ATF1: variants seen among roughly 807,000 people sequenced by gnomAD.
The protein encoded by ATF1 is activating transcription factor 1.
A neutral mutation model predicts 34.7 loss-of-function variants in ATF1; 16 were observed. That is an observed-to-expected ratio of 0.46 (90% confidence interval 0.31 to 0.70). The LOEUF (loss-of-function observed/expected upper bound fraction) is 0.70, where lower values mean the gene tolerates loss of function less well. ATF1 is among the 30% of genes least tolerant of loss of function. The pLI, the probability that ATF1 is intolerant of heterozygous loss-of-function variation, is 0.05. For synonymous variants in ATF1, 105 were observed against 113.1 expected, an observed-to-expected ratio of 0.93 and a Z score of 0.46; for missense variants, 255 against 321.6, an observed-to-expected ratio of 0.79 and a Z score of 1.58.
chr12:50,771,714 G>C (rs12308023), intron 1 of ATF1, among the ~76,000 whole-genome samples: 7,314 of 152,156 alleles, frequency 0.048, 598 homozygotes, highest in African/African-American at 0.17. Context: ...CTAAGTCACG[G>C]GATGAGATAG....
At chr12:50,763,704 A>G (rs1592158566), upstream of ATF1, 1 of 151,188 alleles carries the variant, frequency 6.6e-6, no homozygotes, top group African/African-American at 2.4e-5. Context: ...TCTCCTTCCA[A>G]GAGGACAGGG....
chr12:50,816,618 C>T (rs962825943), intron 6 of ATF1, among the ~76,000 whole-genome samples: 2 of 152,004 alleles, frequency 1.3e-5, no homozygotes, highest in Admixed American at 1.3e-4. Context: ...ACAGGCCAGG[C>T]GTGGTGGCTC....
intron 2 of ATF1, among the ~76,000 whole-genome samples, chr12:50,783,290 C>A (rs1941111741): frequency 6.6e-6 from 1 of 152,108 alleles, no homozygotes; most frequent in African/African-American, 2.4e-5. Flanking sequence ...GGGGTTAGTC[C>A]TTTAAGCTTG....
intron 6 of ATF1, among the ~76,000 whole-genome samples, chr12:50,819,130 G>A (rs893271160): frequency 1.3e-5 from 2 of 152,220 alleles, no homozygotes; most frequent in Non-Finnish European, 2.9e-5. Flanking sequence ...ACAAAAACAT[G>A]CCTATGCAGC....
chr12:50,766,829 A>C (rs9943796), intron 1 of ATF1, among the ~76,000 whole-genome samples: 150,690 of 152,240 alleles, frequency 0.99, 74,602 homozygotes, highest in East Asian at 1. Context: ...TACTTTTCTT[A>C]TCTACTTTGC....
At chr12:50,779,713 T>C (rs779524074) in intron 1 of ATF1, among the ~76,000 whole-genome samples, 21 of 152,200 alleles carry the variant, frequency 1.4e-4, no homozygotes, top group Non-Finnish European at 2.9e-4. Context: ...AAGTTGATTA[T>C]CTAAGTTTTC....
chr12:50,763,901 G>A (rs1940553903), upstream of ATF1, among the ~76,000 whole-genome samples: 1 of 152,158 alleles, frequency 6.6e-6, no homozygotes, highest in African/African-American at 2.4e-5. Context: ...TGAGGAACGC[G>A]TTCCGAGGAA....
chr12:50,767,078 G>A (rs1940655307), intron 1 of ATF1, among the ~76,000 whole-genome samples: 1 of 152,170 alleles, frequency 6.6e-6, no homozygotes. Flanking sequence ...GGCCCCCAGG[G>A]CAATGATGCT....
In ATF1 at chr12:50,777,917, G is replaced by A. The variant is rs78661087; in HGVS notation, c.-6-2223G>A. Among the ~76,000 whole-genome samples the A allele has an allele frequency of 6.5e-3, 982 of 150,006 alleles. 10 individuals are homozygous for A. The highest frequency in any genetic ancestry group is 0.022 in the African/African-American group (898 of 40,826). On this transcript the variant is annotated intron_variant, in intron 1 of 6. Coordinates refer to ENST00000262053, the MANE Select transcript of ATF1 (RefSeq NM_005171.5). ...TCTCTCTAATTGTGGAGAAATATACGTACCGTGGAATTTACTATCTTTTTT... is the reference window on the plus strand; with the variant it reads ...TCTCTCTAATTGTGGAGAAATATACATACCGTGGAATTTACTATCTTTTTT...
chr12:50,791,552 CAA>C (rs59699950), intron 2 of ATF1, among the ~76,000 whole-genome samples: 7 of 121,260 alleles, frequency 5.8e-5, no homozygotes, highest in Non-Finnish European at 7.1e-5. Flanking sequence ...AACTCAGTCT[CAA>C]AAAAAAAAAA....
intron 4 of ATF1, among the ~76,000 whole-genome samples, chr12:50,813,287 A>AAT (rs1941774748): frequency 6.6e-6 from 1 of 152,218 alleles, no homozygotes; most frequent in Admixed American, 6.5e-5. Context: ...CTATCACTTA[A>AAT]GTAAATATCT....
At chr12:50,773,166 T>C (rs1309224976) in intron 1 of ATF1, among the ~76,000 whole-genome samples, 2 of 152,208 alleles carry the variant, frequency 1.3e-5, no homozygotes, top group Admixed American at 6.5e-5. Flanking sequence ...CAGTCTCTCA[T>C]TGATGGGCAT....
chr12:50,787,162 C>G (rs1303091225), intron 2 of ATF1, among the ~76,000 whole-genome samples: 3 of 152,160 alleles, frequency 2.0e-5, no homozygotes, highest in African/African-American at 7.2e-5. Flanking sequence ...ATACTATTTA[C>G]TTTAGTCTCT....
At chr12:50,782,490 C>T (rs10876090) in intron 2 of ATF1, among the ~76,000 whole-genome samples, 35,419 of 150,416 alleles carry the variant, frequency 0.24, 4,923 homozygotes, top group East Asian at 0.4. Context: ...CTCCTGACCT[C>T]GTGATCCACC....
intron 2 of ATF1, among the ~76,000 whole-genome samples, chr12:50,791,407 T>C (rs1592183988): frequency 6.6e-6 from 1 of 152,126 alleles, no homozygotes; most frequent in South Asian, 2.1e-4. Flanking sequence ...AATACAAAAA[T>C]TAGCTGGGCG....
intron 3 of ATF1, among the ~76,000 whole-genome samples, chr12:50,807,732 TC>T (rs1272584306): frequency 6.6e-6 from 1 of 152,098 alleles, no homozygotes; most frequent in Non-Finnish European, 1.5e-5. Context: ...CTTAAGCATT[TC>T]TTTTTTCTTT....
At chr12:50,802,414 C>T (rs1431579183) in intron 3 of ATF1, among the ~76,000 whole-genome samples, 1 of 151,872 alleles carries the variant, frequency 6.6e-6, no homozygotes, top group African/African-American at 2.4e-5. Flanking sequence ...AGTTCCAGCT[C>T]CTCAGGATGC....
chr12:50,772,071 C>G (rs1425136787), intron 1 of ATF1, among the ~76,000 whole-genome samples: 1 of 152,184 alleles, frequency 6.6e-6, no homozygotes, highest in African/African-American at 2.4e-5. Flanking sequence ...TTTTACTTCA[C>G]ACTGTGGACT....
At chr12:50,771,121 T>C (rs1352977533) in intron 1 of ATF1, among the ~76,000 whole-genome samples, 1 of 152,118 alleles carries the variant, frequency 6.6e-6, no homozygotes, top group Non-Finnish European at 1.5e-5. Context: ...TTCTCCTGCC[T>C]CAGCCTCCCA....
Sources: gnomAD v4.1 joint callset for allele counts (sites outside exome capture counted in the v4.1 genomes callset) on GRCh38, gnomAD v4.1.1 for gene constraint, MANE v1.5 for transcripts, NCBI Gene and HGNC (gene_info 2026-07-23, HGNC 2026-07-21) for gene names.